The following LRRC4C variants were observed in gnomAD, a reference collection of about 807,000 sequenced individuals.
LRRC4C encodes leucine-rich repeat-containing protein 4C.
A neutral mutation model predicts 33.6 loss-of-function variants in LRRC4C; 5 were observed. The ratio of observed to expected loss-of-function variants is 0.15; its 90% CI spans 0.08 to 0.31. LRRC4C has a LOEUF of 0.31. Among genes scored for constraint, LRRC4C ranks in the 10% least tolerant of loss-of-function variants. LRRC4C has a pLI of 1.00. For missense variants in LRRC4C, 560 were observed against 796.7 expected (o/e 0.70, Z 3.58); for synonymous variants, 329 against 302.0 (o/e 1.09, Z -0.93).
chr11:41,447,077 C>T (rs140008363), intron 1 of LRRC4C, among the ~76,000 whole-genome samples: 2 of 152,270 alleles, frequency 1.3e-5, no homozygotes, highest in African/African-American at 4.8e-5. Flanking sequence ...TTGGAAGACA[C>T]ATTTTTAGCA....
chr11:40,788,856 G>A (rs1950517510), intron 2 of LRRC4C, among the ~76,000 whole-genome samples: 1 of 152,088 alleles, frequency 6.6e-6, no homozygotes, highest in Non-Finnish European at 1.5e-5. Context: ...ACTATGGGAG[G>A]CCGAGGCAGG....
chr11:41,138,526 A>T (rs1256292610), intron 1 of LRRC4C, among the ~76,000 whole-genome samples: 1 of 152,212 alleles, frequency 6.6e-6, no homozygotes, highest in African/African-American at 2.4e-5. Context: ...CATTTGGTAT[A>T]AATATTGAAA....
At chr11:40,595,727 C>T (rs1338021823) in intron 3 of LRRC4C, among the ~76,000 whole-genome samples, 1 of 151,998 alleles carries the variant, frequency 6.6e-6, no homozygotes, top group Non-Finnish European at 1.5e-5. Context: ...TCACTGACTC[C>T]CAGGAGTACA....
intron 1 of LRRC4C, among the ~76,000 whole-genome samples, chr11:41,010,956 T>C (rs891400954): frequency 4.6e-5 from 7 of 152,128 alleles, no homozygotes; most frequent in Admixed American, 4.6e-4. Flanking sequence ...CTCATAAAAA[T>C]AACATAAAAT....
chr11:40,874,033 A>G (rs1297521894), intron 2 of LRRC4C, among the ~76,000 whole-genome samples: 2 of 152,210 alleles, frequency 1.3e-5, no homozygotes, highest in Non-Finnish European at 2.9e-5. Context: ...GAGGGCTAAT[A>G]CCAGATAATA....
At chr11:41,340,662 G>A (rs886573011) in intron 1 of LRRC4C, among the ~76,000 whole-genome samples, 6 of 152,120 alleles carry the variant, frequency 3.9e-5, no homozygotes, top group Admixed American at 3.3e-4. Flanking sequence ...ATTGGTAATG[G>A]AGCCTAAGAA....
At chr11:41,043,139 T>C (rs1203240047) in intron 1 of LRRC4C, among the ~76,000 whole-genome samples, 2 of 148,254 alleles carry the variant, frequency 1.3e-5, no homozygotes, top group Admixed American at 6.9e-5. Context: ...TTTGATGAGC[T>C]TGATCTATTT....
chr11:40,247,056 A>T (rs1339522920), intron 4 of LRRC4C, among the ~76,000 whole-genome samples: 2 of 151,770 alleles, frequency 1.3e-5, no homozygotes, highest in Non-Finnish European at 2.9e-5. Flanking sequence ...TATCTAAACT[A>T]ATCTTGCTTG....
At chr11:41,406,441 C>T (rs903777194) in intron 1 of LRRC4C, among the ~76,000 whole-genome samples, 1 of 152,058 alleles carries the variant, frequency 6.6e-6, no homozygotes, top group Non-Finnish European at 1.5e-5. Flanking sequence ...GATTCTTCAT[C>T]ATTGCGTGGG....
At chr11:40,513,784 G>T (rs961605551) in intron 3 of LRRC4C, among the ~76,000 whole-genome samples, 12 of 152,172 alleles carry the variant, frequency 7.9e-5, no homozygotes, top group Admixed American at 7.9e-4. Context: ...GACCCTTACA[G>T]AAGTACTTTC....
At chr11:41,243,483 A>G (rs905654232) in intron 1 of LRRC4C, among the ~76,000 whole-genome samples, 8 of 152,210 alleles carry the variant, frequency 5.3e-5, no homozygotes, top group African/African-American at 1.9e-4. Context: ...TTAAGAAGAC[A>G]AATTTTAGTT....
rs375556523 is a variant in LRRC4C at position 40,664,843 on chromosome 11, T to C, written c.-406-16565A>G. Among the ~76,000 whole-genome samples, 6 of 152,210 alleles carry C rather than the reference T, an allele frequency of 3.9e-5. No homozygotes were observed. In the East Asian group the frequency reaches 1.2e-3, roughly 29 times the overall value. Reference sequence around the variant, plus strand: ...ACAACACGCATGTTTTTTACATATGTATACATGTGCCATGTTGGTGTGCTG... The same window carrying C: ...ACAACACGCATGTTTTTTACATATGCATACATGTGCCATGTTGGTGTGCTG... On this transcript the variant is annotated intron_variant, in intron 2 of 6. Transcript: ENST00000528697.
chr11:40,978,499 T>C (rs1852253647), intron 1 of LRRC4C, among the ~76,000 whole-genome samples: 1 of 152,184 alleles, frequency 6.6e-6, no homozygotes, highest in African/African-American at 2.4e-5. Flanking sequence ...GGGATATTGC[T>C]AAACATTCTA....
intron 1 of LRRC4C, among the ~76,000 whole-genome samples, chr11:41,155,078 G>A (rs10837588): frequency 0.043 from 6,573 of 152,156 alleles, 161 homozygotes; most frequent in East Asian, 0.07. Context: ...TTTCCAATGC[G>A]TTGACTCAGG....
intron 1 of LRRC4C, among the ~76,000 whole-genome samples, chr11:41,096,640 A>G (rs538342070): frequency 1.3e-5 from 2 of 152,200 alleles, no homozygotes; most frequent in African/African-American, 4.8e-5. Flanking sequence ...GAAACAGAAG[A>G]TAAAGGAGGG....
intron 1 of LRRC4C, among the ~76,000 whole-genome samples, chr11:41,283,226 A>T (rs542760451): frequency 2.0e-5 from 3 of 152,224 alleles, no homozygotes; most frequent in Non-Finnish European, 2.9e-5. Flanking sequence ...ATTTGAGCAG[A>T]TGGTCTGGAA....
At chr11:40,502,524 T>G (rs554264153) in intron 3 of LRRC4C, among the ~76,000 whole-genome samples, 3 of 152,146 alleles carry the variant, frequency 2.0e-5, no homozygotes, top group African/African-American at 7.2e-5. Flanking sequence ...GAGGCAGAAG[T>G]GAAAGTGGAA....
intron 3 of LRRC4C, among the ~76,000 whole-genome samples, chr11:40,398,155 G>C: frequency 6.6e-6 from 1 of 151,932 alleles, no homozygotes; most frequent in Non-Finnish European, 1.5e-5. Context: ...TACTTGAAAA[G>C]ATGACTATGA....
At chr11:41,178,854 C>A (rs1421053790) in intron 1 of LRRC4C, among the ~76,000 whole-genome samples, 1 of 152,166 alleles carries the variant, frequency 6.6e-6, no homozygotes, top group South Asian at 2.1e-4. Flanking sequence ...AGGTGCCCAC[C>A]ACCATGCCCA....
Sources: allele counts gnomAD v4.1 joint callset (sites outside exome capture counted in the v4.1 genomes callset), GRCh38; gene constraint gnomAD v4.1.1; transcripts MANE v1.5; gene names NCBI Gene and HGNC (gene_info 2026-07-23, HGNC 2026-07-21).